The following SLC17A6 variants were observed in gnomAD, a reference collection of about 807,000 sequenced individuals.
The protein encoded by SLC17A6 is vesicular glutamate transporter 2.
In SLC17A6, 35 loss-of-function variants were observed where a neutral mutation model predicts 67.1. That is an observed-to-expected ratio of 0.52 (90% CI 0.40 to 0.69). The LOEUF (loss-of-function observed/expected upper bound fraction) is 0.69, where lower values mean the gene tolerates loss of function less well. Ranked by LOEUF, SLC17A6 falls within the 30% of genes least tolerant of loss-of-function variation. The pLI is 0.00. For synonymous variants in SLC17A6, 285 were observed against 252.3 expected, an observed-to-expected ratio of 1.13 and a Z score of -1.23; for missense variants, 588 against 723.9, an observed-to-expected ratio of 0.81 and a Z score of 2.15.
At chr11:22,344,397 G>T (rs1301696005) in intron 3 of SLC17A6, among the ~76,000 whole-genome samples, 1 of 152,120 alleles carries the variant, frequency 6.6e-6, no homozygotes, top group African/African-American at 2.4e-5. Flanking sequence ...GCCCCATACT[G>T]CATCTTTTGT....
chr11:22,340,290 G>T (rs1194290303), intron 1 of SLC17A6, among the ~76,000 whole-genome samples: 1 of 152,174 alleles, frequency 6.6e-6, no homozygotes, highest in African/African-American at 2.4e-5. Context: ...AATATCGAAA[G>T]TATCAATCGC....
intron 2 of SLC17A6, 123 bp downstream of exon 2, chr11:22,341,903 C>G: frequency 1.4e-6 from 2 of 1,384,842 alleles, no homozygotes; most frequent in Non-Finnish European, 1.9e-6. Flanking sequence ...CCCTAAGCTC[C>G]TCTCTGGCTC....
At chr11:22,363,996 T>C (rs1856080756) in intron 6 of SLC17A6, among the ~76,000 whole-genome samples, 1 of 152,140 alleles carries the variant, frequency 6.6e-6, no homozygotes, top group South Asian at 2.1e-4. Context: ...AATACAAATT[T>C]AAACAAGGCA....
Position 22,343,267 on chromosome 11 carries a change from C to A in SLC17A6, c.360C>A (p.Asp120Glu). ...VIKEKAKFNW[D>E]PETVGMIHGS... ...CATAGAAAGCCAAATTCAACTGGGA[C>A]CCGGAAACCGTGGGGATGATCCACG... is the stretch of plus-strand genomic sequence containing the variant. Residue 120 changes from aspartate to glutamate, a missense_variant, in exon 3 of 12, where the codon GAC (aspartate) becomes GAA (glutamate). Around this residue, in one of 4 missense-constraint regions of SLC17A6, gnomAD observed 48 missense variants for 36.5 expected, o/e 1.32. Transcript: ENST00000263160. 1 of 1,613,582 alleles carries A rather than the reference C, an allele frequency of 6.2e-7. No homozygotes were observed.
chr11:22,346,512 C>T (rs562517559), intron 3 of SLC17A6, among the ~76,000 whole-genome samples: 23 of 152,170 alleles, frequency 1.5e-4, no homozygotes, highest in African/African-American at 5.3e-4. Context: ...TTTGTCTTCC[C>T]TTAAAGAGCT....
chr11:22,365,631 A>G lies in SLC17A6; in HGVS notation c.833A>G (p.Glu278Gly). The G allele has an allele frequency of 6.2e-7, 1 of 1,613,980 alleles. No individual in the cohort carries two copies. Among genetic ancestry groups the G allele is most frequent in the Non-Finnish European group, 8.5e-7 (1 of 1,179,896 alleles). ...AAGCATCCTACTATTACAGATGAAG[A>G]ACGTAGGTACATAGAAGAAAGCATT... ...PAKHPTITDE[E>G]RRYIEESIGE... The change falls in exon 7 of 12, where the codon GAA (glutamate) becomes GGA (glycine). Residue 278 changes from glutamate (E) to glycine (G), a missense_variant. Physicochemically the swap from Glu to Gly is moderately conservative, Grantham distance 98. Coordinates refer to ENST00000263160, the MANE Select transcript of SLC17A6 (RefSeq NM_020346.3).
Position 22,365,655 on chromosome 11 carries a change from T to A in SLC17A6, c.857T>A (p.Ile286Asn). 6.2e-7 allele frequency: 1 copy of A among 1,613,700 alleles called. No homozygotes were observed. Among genetic ancestry groups the A allele is most frequent in the Non-Finnish European group, 8.5e-7 (1 of 1,179,724 alleles). Residue 286 changes from isoleucine to asparagine, a missense_variant, in exon 7 of 12, where the codon ATT becomes AAT. Physicochemically the swap from Ile to Asn is moderately radical, Grantham distance 149 (BLOSUM62 -3). This residue lies in a region of SLC17A6 where 414 missense variants were observed against 563.4 expected (regional missense o/e 0.73). Coordinates refer to ENST00000263160, the MANE Select transcript of SLC17A6 (RefSeq NM_020346.3). ...DEERRYIEES[I>N]GESANLLGAM... ...GAACGTAGGTACATAGAAGAAAGCA[T>A]TGGAGAGAGTGCAAATCTTTTAGGT...
chr11:22,365,333 T>C (rs1393387118), intron 6 of SLC17A6, among the ~76,000 whole-genome samples: 2 of 152,200 alleles, frequency 1.3e-5, no homozygotes, highest in South Asian at 4.1e-4. Flanking sequence ...TGCTATTTCA[T>C]AGAGACAAGG....
intron 1 of SLC17A6, 121 bp from the exon 2 acceptor site, chr11:22,341,407 G>A (rs879582987): frequency 7.1e-6 from 10 of 1,408,630 alleles, no homozygotes; most frequent in Non-Finnish European, 9.6e-6. Context: ...TAATCCCCGA[G>A]GGTGGGGGGA....
chr11:22,356,815 G>A (rs1855997548), intron 3 of SLC17A6, among the ~76,000 whole-genome samples: 1 of 152,182 alleles, frequency 6.6e-6, no homozygotes, highest in Non-Finnish European at 1.5e-5. Flanking sequence ...CAGCCTGGGT[G>A]ACAGAGTAAG....
chr11:22,341,467 G>T, intron 1 of SLC17A6, 61 bp from the exon 2 acceptor site: 1 of 1,578,276 alleles, frequency 6.3e-7, no homozygotes, highest in Non-Finnish European at 8.6e-7. Context: ...AATGGGAATG[G>T]GTCAGCATCG....
intron 6 of SLC17A6, 54 bp from the exon 7 acceptor site, chr11:22,365,493 A>C (rs1856100988): frequency 1.3e-6 from 2 of 1,585,860 alleles, no homozygotes; most frequent in Admixed American, 3.4e-5. Context: ...GTTTTATTGC[A>C]GCACATCACT....
chr11:22,375,693 T>G (rs1448077599), intron 9 of SLC17A6, among the ~76,000 whole-genome samples: 1 of 152,068 alleles, frequency 6.6e-6, no homozygotes, highest in Non-Finnish European at 1.5e-5. Flanking sequence ...TTGGTCAGAC[T>G]GGCCTCGAAC....
In SLC17A6 at chr11:22,377,619, C is replaced by G; in HGVS notation, c.1628C>G (p.Ser543Cys). The change falls in exon 12 of 12, where the codon TCT becomes TGT. Residue 543 changes from serine (S) to cysteine (C), a missense_variant. Around this residue, in one of 4 missense-constraint regions of SLC17A6, gnomAD observed 414 missense variants for 563.4 expected, o/e 0.73. Coordinates refer to ENST00000263160, the MANE Select transcript of SLC17A6 (RefSeq NM_020346.3). ...TATATAAATTATGGTACCACCAAGT[C>G]TTATGGTGCCACAACACAGGCCAAT... ...QNYINYGTTK[S>C]YGATTQANGG... The G allele has an allele frequency of 6.2e-7, 1 of 1,614,080 alleles. No homozygotes were observed. The highest frequency in any genetic ancestry group is 1.1e-5 in the South Asian group (1 of 91,078).
At chr11:22,356,519 A>T (rs74798175) in intron 3 of SLC17A6, among the ~76,000 whole-genome samples, 133 of 152,266 alleles carry the variant, frequency 8.7e-4, no homozygotes, top group African/African-American at 3.1e-3. Flanking sequence ...GCGCCCACTA[A>T]TAATGAAAAA....
Position 22,359,407 on chromosome 11 carries a change from T to C in SLC17A6, c.459-6T>C, listed in dbSNP as rs1213370147. The C allele has an allele frequency of 6.4e-7, 1 of 1,555,034 alleles. No homozygotes were observed. Among genetic ancestry groups the C allele is most frequent in the Non-Finnish European group, 8.7e-7 (1 of 1,146,750 alleles). On this transcript the variant is annotated splice_polypyrimidine_tract_variant and splice_region_variant and intron_variant, in intron 3 of 11. Coordinates refer to ENST00000263160, the MANE Select transcript of SLC17A6 (RefSeq NM_020346.3). ...TTAAACAGTGTTCTCATCTTTTCTA[T>C]TTCAGGGTTTTCGGAGCTGCCATAC...
intron 3 of SLC17A6, among the ~76,000 whole-genome samples, chr11:22,350,458 C>CGA (rs1855925489): frequency 6.7e-6 from 1 of 149,900 alleles, no homozygotes; most frequent in Non-Finnish European, 1.5e-5. Context: ...GAGGAAATCA[C>CGA]AAAAAAAAAC....
chr11:22,377,343 A>C, intron 11 of SLC17A6, 62 bp from the exon 12 acceptor site: 1 of 1,419,084 alleles, frequency 7.0e-7, no homozygotes, highest in Admixed American at 2.2e-5. Context: ...CATTCAGAGA[A>C]GATGTTAGGC....
At chr11:22,342,476 T>C (rs1181973059) in intron 2 of SLC17A6, among the ~76,000 whole-genome samples, 2 of 152,106 alleles carry the variant, frequency 1.3e-5, no homozygotes, top group Non-Finnish European at 2.9e-5. Flanking sequence ...TGTCAAAATA[T>C]TATTTAAAGG....
Sources: gnomAD v4.1 joint callset for allele counts (sites outside exome capture counted in the v4.1 genomes callset) on GRCh38, gnomAD v4.1.1 for gene constraint, gnomAD v4.1.1 regional missense constraint, MANE v1.5 for transcripts, NCBI Gene and HGNC (gene_info 2026-07-23, HGNC 2026-07-21) for gene names.